E2F7: variants seen among roughly 807,000 people sequenced by gnomAD.
E2F7 encodes E2F transcription factor 7.
Under a neutral mutation model 81.1 loss-of-function variants are expected in E2F7, and 35 were observed. The ratio of observed to expected loss-of-function variants is 0.43; its 90% CI spans 0.33 to 0.57. The LOEUF (loss-of-function observed/expected upper bound fraction) is 0.57. E2F7 is among the 20% of genes least tolerant of loss of function. E2F7 has a pLI of 0.04. For synonymous variants in E2F7, 416 were observed against 416.2 expected (o/e 1.00, Z 0.01); for missense variants, 961 against 1,093.7 (o/e 0.88, Z 1.71).
chr12:77,041,924 G>A (rs1410117577), intron 7 of E2F7, among the ~76,000 whole-genome samples: 2 of 152,132 alleles, frequency 1.3e-5, no homozygotes, highest in Non-Finnish European at 2.9e-5. Flanking sequence ...TGTAGGGCAG[G>A]GACGACACCA....
At chr12:77,027,582 C>T (rs773432174) in intron 11 of E2F7, among the ~76,000 whole-genome samples, 2 of 152,228 alleles carry the variant, frequency 1.3e-5, no homozygotes, top group Non-Finnish European at 2.9e-5. Flanking sequence ...AACAGGTTCA[C>T]ACTATTATAC....
intron 4 of E2F7, among the ~76,000 whole-genome samples, chr12:77,047,780 C>T (rs17041924): frequency 0.014 from 2,156 of 152,338 alleles, 23 homozygotes; most frequent in Middle Eastern, 0.037. Flanking sequence ...GCTCAGGCTT[C>T]GGTGCCAGAT....
At chr12:77,025,436 C>T (rs776252820) in intron 12 of E2F7, 122 bp downstream of exon 12, 9 of 1,117,110 alleles carry the variant, frequency 8.1e-6, no homozygotes, top group African/African-American at 1.6e-5. Context: ...AGGTCTACAA[C>T]GGAAGCCAGG....
Position 77,056,723 on chromosome 12 carries a change from C to A in E2F7, c.94-593G>T, listed in dbSNP as rs1454433810. Among the ~76,000 whole-genome samples the A allele has an allele frequency of 1.3e-5, 2 of 152,056 alleles. 1 individual carries two copies. Among genetic ancestry groups the A allele is most frequent in the South Asian group, 4.1e-4 (2 of 4,820 alleles). ...AAACTCCTGCAAACTGATATGTGAC[C>A]TTACTTCACAGGACTAATGTGCAAC... is the stretch of plus-strand genomic sequence containing the variant. On this transcript the variant is annotated intron_variant, in intron 2 of 12. Transcript: ENST00000322886.
intron 9 of E2F7, among the ~76,000 whole-genome samples, chr12:77,031,056 A>T (rs1248786647): frequency 2.6e-5 from 4 of 152,168 alleles, no homozygotes; most frequent in Non-Finnish European, 5.9e-5. Context: ...GGCAGCACAC[A>T]ATCAAAATTA....
In E2F7 at chr12:77,025,723, A is replaced by G. The variant is rs1264775479; in HGVS notation, c.2400T>C (p.Ala800=). 6.2e-7 allele frequency: 1 copy of G among 1,614,044 alleles called. No homozygotes were observed. The highest frequency in any genetic ancestry group is 8.5e-7 in the Non-Finnish European group (1 of 1,180,048). Reference sequence around the variant, plus strand: ...GTGTGGACGACTTTGGATTAACCACAGCTGTGGGGCCGACGAGAAGCTGGG... The same window carrying G: ...GTGTGGACGACTTTGGATTAACCACGGCTGTGGGGCCGACGAGAAGCTGGG... The part of the protein sequence containing the change: ...SIAQLLVGPT[A]VVNPKSSTLP... Residue 800 remains alanine (A), a synonymous_variant, in exon 12 of 13, where the codon GCT becomes GCC. Coordinates refer to ENST00000322886, the MANE Select transcript of E2F7 (RefSeq NM_203394.3).
chr12:77,061,553 T>C (rs1356906875), intron 2 of E2F7, among the ~76,000 whole-genome samples: 1 of 152,216 alleles, frequency 6.6e-6, no homozygotes, highest in Admixed American at 6.5e-5. Context: ...GTCAAGTGCA[T>C]TGTAAACAGG....
chr12:77,054,817 G>C (rs556202114), intron 3 of E2F7, among the ~76,000 whole-genome samples: 42 of 152,146 alleles, frequency 2.8e-4, no homozygotes, highest in Admixed American at 1.9e-3. Context: ...ACAACAAAAG[G>C]CACATTTAAT....
Position 77,024,126 on chromosome 12 carries a change from CT to C in E2F7, c.2624del (p.Lys875ArgfsTer11). The C allele has an allele frequency of 1.2e-6, 2 of 1,613,886 alleles. No homozygotes were observed. The highest frequency in any genetic ancestry group is 1.7e-6 in the Non-Finnish European group (2 of 1,179,998). On this transcript the variant is annotated frameshift_variant, in exon 13 of 13. Coordinates refer to ENST00000322886, the MANE Select transcript of E2F7 (RefSeq NM_203394.3). LOFTEE classifies it high-confidence loss of function. The stretch of plus-strand genomic sequence containing the variant: ...CAGGGTCTCCAAGGCTGCCGGGTGT[CT>C]TGAAAAACGTCTCACGATGTGTGCG... ...IQRTHRETFF[K>X]TPGSLGDPVL...
intron 6 of E2F7, chr12:77,044,222 C>A: frequency 2.2e-6 from 1 of 453,864 alleles, no homozygotes. Context: ...CCACCCTTAC[C>A]CTGGCCATTC....
intron 4 of E2F7, among the ~76,000 whole-genome samples, chr12:77,046,697 C>T (rs963007870): frequency 2.6e-5 from 4 of 152,112 alleles, no homozygotes; most frequent in Non-Finnish European, 5.9e-5. Flanking sequence ...CTAATGGACA[C>T]GTGATAAATG....
chr12:77,057,911 G>A (rs772983800), intron 2 of E2F7, among the ~76,000 whole-genome samples: 1 of 152,148 alleles, frequency 6.6e-6, no homozygotes, highest in South Asian at 2.1e-4. Context: ...TTGGGTTTTG[G>A]TTGAGCAGGG....
intron 3 of E2F7, among the ~76,000 whole-genome samples, chr12:77,054,713 G>A (rs776610888): frequency 6.6e-6 from 1 of 152,102 alleles, no homozygotes; most frequent in African/African-American, 2.4e-5. Context: ...GTTACCTTGC[G>A]AAAGAGGTCA....
intron 2 of E2F7, 84 bp downstream of exon 2, chr12:77,064,459 A>T (rs1955101804): frequency 9.1e-7 from 1 of 1,103,260 alleles, no homozygotes; most frequent in African/African-American, 1.6e-5. Context: ...AAATACAAAT[A>T]CAAATGGCAT....
rs114538867 is a variant in E2F7 at position 77,038,300 on chromosome 12, C to T, written c.1124-4258G>A. Among the ~76,000 whole-genome samples, 757 of 152,190 alleles carry T rather than the reference C, an allele frequency of 5.0e-3. 4 individuals are homozygous for T. Among genetic ancestry groups the T allele is most frequent in the African/African-American group, 0.018 (730 of 41,552 alleles). ...AACTGGACATTTATAGAACGTTCCA[C>T]CAAACAACAGAATATATACTCTGTA... On this transcript the variant is annotated intron_variant, in intron 7 of 12. Coordinates refer to ENST00000322886, the MANE Select transcript of E2F7 (RefSeq NM_203394.3).
chr12:77,035,223 TC>T (rs1182147345), intron 7 of E2F7, among the ~76,000 whole-genome samples: 1 of 151,832 alleles, frequency 6.6e-6, no homozygotes, highest in Non-Finnish European at 1.5e-5. Context: ...GAGCTGGGAG[TC>T]CTGGAAAGTC....
At chr12:77,047,590 TA>T (rs753370675) in intron 4 of E2F7, among the ~76,000 whole-genome samples, 3 of 152,218 alleles carry the variant, frequency 2.0e-5, no homozygotes, top group Non-Finnish European at 2.9e-5. Flanking sequence ...AGCTGTTATA[TA>T]ATCAGGGCAG....
Position 77,022,831 on chromosome 12 carries a change from T to C in E2F7, c.*1184A>G, listed in dbSNP as rs1954724402. 1 of 152,200 alleles carries C rather than the reference T, an allele frequency of 6.6e-6. No homozygotes were observed. The highest frequency in any genetic ancestry group is 2.4e-5 in the African/African-American group (1 of 41,452). The allele number at this position is 152,200 out of a possible 1,614,324, so 9.4% of individuals were successfully genotyped here. ...GGAAATTGCATAACAGTTTCCAGAATTGTATTCATGCTAGAACAACCAACC... is the reference window on the plus strand; with the variant it reads ...GGAAATTGCATAACAGTTTCCAGAACTGTATTCATGCTAGAACAACCAACC... On this transcript the variant is annotated 3_prime_UTR_variant, in exon 13 of 13. Coordinates refer to ENST00000322886, the MANE Select transcript of E2F7 (RefSeq NM_203394.3).
chr12:77,028,250 T>C, intron 10 of E2F7, 112 bp from the exon 11 acceptor site: 1 of 1,371,154 alleles, frequency 7.3e-7, no homozygotes, highest in South Asian at 1.5e-5. Context: ...TGGAGTGCAG[T>C]GGCACGATCC....
Sources: allele counts gnomAD v4.1 joint callset (sites outside exome capture counted in the v4.1 genomes callset), GRCh38; gene constraint gnomAD v4.1.1; transcripts MANE v1.5; gene names NCBI Gene and HGNC (gene_info 2026-07-23, HGNC 2026-07-21).